Variants in MAST4 observed in about 807,000 individuals in gnomAD.
MAST4 encodes microtubule associated serine/threonine kinase family member 4.
In MAST4, 89 loss-of-function variants were observed where a neutral mutation model predicts 162.7. The observed-to-expected ratio is 0.55, with a 90% CI of 0.46 to 0.65. MAST4 has a LOEUF of 0.65. MAST4 is among the 30% of genes least tolerant of loss of function. The probability of loss-of-function intolerance (pLI) is 0.00; values close to 1 mark genes in which losing one functional copy is unlikely to be tolerated. For synonymous variants in MAST4, 1,479 were observed against 1,361.1 expected, an observed-to-expected ratio of 1.09 and a Z score of -1.91; for missense variants, 3,153 against 3,374.0, an observed-to-expected ratio of 0.93 and a Z score of 1.62.
intron 3 of MAST4, among the ~76,000 whole-genome samples, chr5:66,896,474 C>G (rs1255790757): frequency 6.6e-6 from 1 of 152,186 alleles, no homozygotes; most frequent in East Asian, 1.9e-4. Context: ...TCCCAGCCCA[C>G]TCTCAAAGAG....
intron 19 of MAST4, among the ~76,000 whole-genome samples, chr5:67,138,424 T>G (rs1320375566): frequency 2.0e-5 from 3 of 152,034 alleles, no homozygotes; most frequent in Non-Finnish European, 2.9e-5. Flanking sequence ...GGTTGGTGGG[T>G]GGGTGGGGTG....
chr5:66,762,276 G>A (rs902763206), intron 2 of MAST4, among the ~76,000 whole-genome samples: 1 of 151,924 alleles, frequency 6.6e-6, no homozygotes, highest in Non-Finnish European at 1.5e-5. Flanking sequence ...AAAATCCATC[G>A]AACGTCAGCC....
chr5:66,806,774 A>G (rs893626020), intron 3 of MAST4, among the ~76,000 whole-genome samples: 1 of 152,172 alleles, frequency 6.6e-6, no homozygotes, highest in African/African-American at 2.4e-5. Context: ...GTAACATGTG[A>G]TAGAAAATGT....
chr5:67,160,544 G>A lies in MAST4; in HGVS notation c.3737G>A (p.Arg1246Gln), dbSNP rs761355694. Reference protein sequence around the residue: ...GPARRNSYKSRMVRRSKKSKK... With the variant: ...GPARRNSYKSQMVRRSKKSKK... Reference sequence around the variant, plus strand: ...GCCAGGAGAAACAGCTATAAGAGCCGGATGGTGAGGCGGAGCAAGAAATCC... The same window carrying A: ...GCCAGGAGAAACAGCTATAAGAGCCAGATGGTGAGGCGGAGCAAGAAATCC... Residue 1246 changes from arginine to glutamine, a missense_variant, in exon 27 of 29, where the codon CGG (arginine) becomes CAG (glutamine). Coordinates refer to ENST00000403625, the MANE Select transcript of MAST4 (RefSeq NM_001164664.2). 23 of 1,613,680 alleles carry A rather than the reference G, an allele frequency of 1.4e-5. No homozygotes were observed. The highest frequency in any genetic ancestry group is 1.7e-5 in the Admixed American group (1 of 59,990).
intron 1 of MAST4, among the ~76,000 whole-genome samples, chr5:66,688,149 A>C (rs16895458): frequency 6.6e-6 from 1 of 152,060 alleles, no homozygotes; most frequent in Non-Finnish European, 1.5e-5. Context: ...TTTTTAGCAC[A>C]CTTCCCAGTA....
At chr5:67,153,893 T>G (rs1034018529) in intron 26 of MAST4, among the ~76,000 whole-genome samples, 1 of 152,206 alleles carries the variant, frequency 6.6e-6, no homozygotes, top group African/African-American at 2.4e-5. Flanking sequence ...GAAGGTGACT[T>G]CCTTCAGGAA....
chr5:66,668,705 C>G (rs1241658937), intron 1 of MAST4, among the ~76,000 whole-genome samples: 2 of 152,216 alleles, frequency 1.3e-5, no homozygotes, highest in Admixed American at 1.3e-4. Flanking sequence ...AATGTTAATT[C>G]TTGGTTTGGT....
At chr5:66,737,855 C>G (rs1455646823) in intron 1 of MAST4, among the ~76,000 whole-genome samples, 1 of 152,158 alleles carries the variant, frequency 6.6e-6, no homozygotes. Flanking sequence ...GAGAGTGAGG[C>G]TGATGAGGAA....
chr5:66,799,327 C>T (rs2149693500), intron 3 of MAST4, among the ~76,000 whole-genome samples: 1 of 152,274 alleles, frequency 6.6e-6, no homozygotes, highest in East Asian at 1.9e-4. Context: ...ACATGACCCT[C>T]CTTGGAATAG....
intron 5 of MAST4, among the ~76,000 whole-genome samples, chr5:67,057,610 G>GAAAAGAAAAGA (rs1561588348): frequency 6.9e-6 from 1 of 144,240 alleles, no homozygotes; most frequent in Non-Finnish European, 1.5e-5. Flanking sequence ...AAAAAAGAAG[G>GAAAAGAAAAGA]AAAGAAAAGA....
intron 1 of MAST4, among the ~76,000 whole-genome samples, chr5:66,640,497 T>A (rs6449830): frequency 0.71 from 108,016 of 151,888 alleles, 40,280 homozygotes; most frequent in African/African-American, 0.92. Context: ...TTTAATAGAG[T>A]CAGGGTTTCA....
In MAST4 at chr5:66,801,066, C is replaced by T. The variant is rs1265980253; in HGVS notation, c.642+12272C>T. On this transcript the variant is annotated intron_variant, in intron 3 of 28. Coordinates refer to ENST00000403625, the MANE Select transcript of MAST4 (RefSeq NM_001164664.2). Reference sequence around the variant, plus strand: ...CAGGTGTAACAAAGTTAGAAGATGCCTTTTGGGCCTCTAACATTTTTCCTG... The same window carrying T: ...CAGGTGTAACAAAGTTAGAAGATGCTTTTTGGGCCTCTAACATTTTTCCTG... Among the ~76,000 whole-genome samples, 3 of 151,974 alleles carry T rather than the reference C, an allele frequency of 2.0e-5. No homozygotes were observed. In the East Asian group the frequency reaches 5.8e-4, roughly 29 times the overall value.
intron 4 of MAST4, among the ~76,000 whole-genome samples, chr5:66,999,947 A>G (rs1438522154): frequency 1.3e-5 from 2 of 152,188 alleles, no homozygotes; most frequent in African/African-American, 4.8e-5. Flanking sequence ...GTTTAATAAT[A>G]TTAGAAACGC....
chr5:66,965,422 G>T (rs753329962), intron 4 of MAST4, among the ~76,000 whole-genome samples: 8 of 151,534 alleles, frequency 5.3e-5, no homozygotes, highest in Non-Finnish European at 1.2e-4. Flanking sequence ...TATGAAGATG[G>T]CATCATTAGT....
chr5:67,062,486 A>G (rs756825076), intron 5 of MAST4, among the ~76,000 whole-genome samples: 11 of 152,194 alleles, frequency 7.2e-5, no homozygotes, highest in Non-Finnish European at 1.5e-5. Context: ...AAAAGCCTTC[A>G]GCAGATTTTC....
intron 4 of MAST4, among the ~76,000 whole-genome samples, chr5:66,999,889 T>A (rs1331862380): frequency 6.6e-6 from 1 of 152,236 alleles, no homozygotes; most frequent in East Asian, 1.9e-4. Flanking sequence ...TTAATTGTTG[T>A]CTATCTTTTT....
chr5:67,032,699 G>GTCAGTATGTACAATGATTATT (rs1371761470), intron 4 of MAST4, among the ~76,000 whole-genome samples: 1 of 152,124 alleles, frequency 6.6e-6, no homozygotes, highest in Non-Finnish European at 1.5e-5. Context: ...GGTCACATGT[G>GTCAGTATGTACAATGATTATT]TCAGTATGTA....
intron 3 of MAST4, among the ~76,000 whole-genome samples, chr5:66,804,597 G>A (rs1450959190): frequency 6.6e-6 from 1 of 152,198 alleles, no homozygotes; most frequent in African/African-American, 2.4e-5. Context: ...GATTAAGTCT[G>A]GCATCAGTGG....
chr5:66,929,494 G>C (rs897773787), intron 4 of MAST4, among the ~76,000 whole-genome samples: 2 of 152,184 alleles, frequency 1.3e-5, no homozygotes, highest in Non-Finnish European at 2.9e-5. Flanking sequence ...CAGTTCTCCA[G>C]ATGTTTCTTA....
Sources: gnomAD v4.1 joint callset for allele counts (sites outside exome capture counted in the v4.1 genomes callset) on GRCh38, gnomAD v4.1.1 for gene constraint, MANE v1.5 for transcripts, NCBI Gene and HGNC (gene_info 2026-07-23, HGNC 2026-07-21) for gene names.